The following VRK1 variants were observed in gnomAD, a reference collection of about 807,000 sequenced individuals.
VRK1 encodes VRK serine/threonine kinase 1.
VRK1 carries 33 observed loss-of-function variants against 57.1 expected under a neutral mutation model. The observed-to-expected ratio is 0.58, with a 90% CI of 0.44 to 0.77. The LOEUF (loss-of-function observed/expected upper bound fraction) is 0.77, where lower values mean the gene tolerates loss of function less well. VRK1 is among the 30% of genes least tolerant of loss of function. VRK1 has a pLI of 0.00. For missense variants in VRK1, 413 were observed against 477.3 expected (o/e 0.87, Z 1.25); for synonymous variants, 137 against 147.8 (o/e 0.93, Z 0.53).
At chr14:96,823,482 A>G (rs950826310) in intron 1 of VRK1, among the ~76,000 whole-genome samples, 4 of 152,208 alleles carry the variant, frequency 2.6e-5, no homozygotes. Flanking sequence ...AAAAATACCA[A>G]TTGTAATGCT....
chr14:96,856,102 AC>A, intron 8 of VRK1, 27 bp from the exon 9 acceptor site: 1 of 1,612,386 alleles, frequency 6.2e-7, no homozygotes, highest in South Asian at 1.1e-5. Flanking sequence ...ATTTCAGTCT[AC>A]CTAATGTTCT....
intron 1 of VRK1, among the ~76,000 whole-genome samples, chr14:96,816,393 C>G (rs1190523674): frequency 2.0e-5 from 3 of 152,178 alleles, no homozygotes; most frequent in South Asian, 2.1e-4. Context: ...CTCATCTCCC[C>G]TCCCTTAGGT....
intron 1 of VRK1, among the ~76,000 whole-genome samples, chr14:96,809,199 T>C (rs1886055802): frequency 6.6e-6 from 1 of 152,066 alleles, no homozygotes; most frequent in Admixed American, 6.6e-5. Flanking sequence ...TTCCTGAGAG[T>C]GGCTTATCTT....
At chr14:96,827,828 C>T (rs1886858848) in intron 1 of VRK1, among the ~76,000 whole-genome samples, 1 of 152,070 alleles carries the variant, frequency 6.6e-6, no homozygotes. Context: ...GATTTGTGTA[C>T]CTTACTTACT....
chr14:96,816,917 A>G (rs1018926250), intron 1 of VRK1, among the ~76,000 whole-genome samples: 2 of 152,226 alleles, frequency 1.3e-5, no homozygotes, highest in African/African-American at 4.8e-5. Context: ...AACCCTTCTT[A>G]TTAGATGACA....
Position 96,878,073 on chromosome 14 carries a change from G to A in VRK1, c.1159+1953G>A, listed in dbSNP as rs555048850. Among the ~76,000 whole-genome samples, 6 of 152,120 alleles carry A rather than the reference G, an allele frequency of 3.9e-5. No individual in the cohort carries two copies. The East Asian group carries it at 7.7e-4, about 20-fold the overall frequency. ...TTATTCATATAAACTCAAAATTGCC[G>A]TTCTTAAAATGCTGTTTATTTCCCC... is the stretch of plus-strand genomic sequence containing the variant. On this transcript the variant is annotated intron_variant, in intron 12 of 12. Coordinates refer to ENST00000216639, the MANE Select transcript of VRK1 (RefSeq NM_003384.3).
chr14:96,863,104 G>A (rs911577915), intron 11 of VRK1, among the ~76,000 whole-genome samples: 7 of 152,170 alleles, frequency 4.6e-5, no homozygotes, highest in Non-Finnish European at 1.0e-4. Context: ...TTACCCACTT[G>A]GAAATGTTTT....
intron 7 of VRK1, among the ~76,000 whole-genome samples, chr14:96,854,379 C>A (rs1051756070): frequency 2.6e-5 from 4 of 152,088 alleles, no homozygotes; most frequent in Admixed American, 2.6e-4. Context: ...CAGACATATG[C>A]TTTGGATGGG....
chr14:96,876,229 T>A, intron 12 of VRK1, 109 bp downstream of exon 12: 1 of 953,538 alleles, frequency 1.0e-6, no homozygotes, highest in South Asian at 1.3e-5. Flanking sequence ...GATTTTATAA[T>A]AAAATACCAC....
chr14:96,846,903 G>A (rs986156534), intron 4 of VRK1, among the ~76,000 whole-genome samples: 2 of 152,044 alleles, frequency 1.3e-5, no homozygotes, highest in African/African-American at 4.8e-5. Flanking sequence ...CATTTTATAT[G>A]AGGGACTTGA....
chr14:96,862,390 C>T (rs1282446533), intron 11 of VRK1, among the ~76,000 whole-genome samples: 2 of 152,074 alleles, frequency 1.3e-5, no homozygotes, highest in African/African-American at 2.4e-5. Flanking sequence ...ACTTTTTGTA[C>T]ACTCATTGCT....
At chr14:96,797,922 G>T (rs1885503627) in intron 1 of VRK1, among the ~76,000 whole-genome samples, 1 of 152,218 alleles carries the variant, frequency 6.6e-6, no homozygotes, top group African/African-American at 2.4e-5. Context: ...TCTTAGAAAC[G>T]GGACAGGCAG....
chr14:96,809,834 A>G lies in VRK1; in HGVS notation c.-6+12387A>G, dbSNP rs192966793. On this transcript the variant is annotated intron_variant, in intron 1 of 12. Transcript: ENST00000216639. ...GTGATCTGCCTGCTTCGGCCTCCCT[A>G]AGCGCTGGGGTTACAGGTGTAAGCC... 3.5e-3 allele frequency among the ~76,000 whole-genome samples: 529 copies of G among 151,864 alleles called. 2 individuals carry two copies. Among genetic ancestry groups the G allele is most frequent in the Non-Finnish European group, 5.9e-3 (400 of 67,898 alleles).
intron 11 of VRK1, 68 bp downstream of exon 11, chr14:96,860,803 A>C: frequency 6.5e-7 from 1 of 1,532,704 alleles, no homozygotes; most frequent in East Asian, 2.4e-5. Flanking sequence ...ACTAAAAGAA[A>C]GTATAGCAGT....
intron 1 of VRK1, among the ~76,000 whole-genome samples, chr14:96,821,205 C>A (rs1305545334): frequency 6.6e-6 from 1 of 152,068 alleles, no homozygotes; most frequent in East Asian, 1.9e-4. Context: ...AATTTCCAGC[C>A]CCTAGCACAG....
intron 1 of VRK1, among the ~76,000 whole-genome samples, chr14:96,807,720 G>A (rs576257211): frequency 1.3e-5 from 2 of 152,192 alleles, no homozygotes; most frequent in East Asian, 3.9e-4. Context: ...CATCCTGTTT[G>A]TATGCATTAG....
intron 5 of VRK1, among the ~76,000 whole-genome samples, chr14:96,848,157 C>T (rs1029058420): frequency 5.3e-5 from 8 of 152,064 alleles, no homozygotes; most frequent in Non-Finnish European, 8.8e-5. Context: ...TGCACCTTTG[C>T]CCTCCTCTTC....
At chr14:96,871,522 A>G (rs1214233938) in intron 11 of VRK1, among the ~76,000 whole-genome samples, 1 of 152,270 alleles carries the variant, frequency 6.6e-6, no homozygotes, top group African/African-American at 2.4e-5. Context: ...TAGTGCTTAT[A>G]GCAAAACAAA....
At chr14:96,850,014 A>G (rs936021548) in intron 5 of VRK1, among the ~76,000 whole-genome samples, 2 of 152,166 alleles carry the variant, frequency 1.3e-5, no homozygotes, top group Non-Finnish European at 2.9e-5. Context: ...TGTGGTGACA[A>G]ATGAGAACAC....
Sources: gnomAD v4.1 joint callset for allele counts (sites outside exome capture counted in the v4.1 genomes callset) on GRCh38, gnomAD v4.1.1 for gene constraint, MANE v1.5 for transcripts, NCBI Gene and HGNC (gene_info 2026-07-23, HGNC 2026-07-21) for gene names.